The following SORCS1 variants were observed in gnomAD, a reference collection of about 807,000 sequenced individuals.
The protein encoded by SORCS1 is VPS10 domain-containing receptor SorCS1.
SORCS1 carries 60 observed loss-of-function variants against 146.1 expected under a neutral mutation model. The observed-to-expected ratio is 0.41, with a 90% CI of 0.33 to 0.51. The LOEUF is 0.51. SORCS1 is among the 20% of genes least tolerant of loss of function. SORCS1 has a pLI of 0.21. For synonymous variants in SORCS1, 637 were observed against 584.0 expected, an observed-to-expected ratio of 1.09 and a Z score of -1.31; for missense variants, 1,352 against 1,487.6, an observed-to-expected ratio of 0.91 and a Z score of 1.50.
intron 1 of SORCS1, among the ~76,000 whole-genome samples, chr10:107,081,003 A>G (rs1963289229): frequency 6.6e-6 from 1 of 152,232 alleles, no homozygotes; most frequent in Non-Finnish European, 1.5e-5. Context: ...CATAAAAAAA[A>G]GATATCATTG....
intron 1 of SORCS1, among the ~76,000 whole-genome samples, chr10:107,003,389 G>A (rs1246325803): frequency 6.6e-6 from 1 of 151,928 alleles, no homozygotes; most frequent in African/African-American, 2.4e-5. Flanking sequence ...GCCAAAGTAT[G>A]CATGTGTTGT....
intron 2 of SORCS1, among the ~76,000 whole-genome samples, chr10:106,843,636 C>T (rs1022816032): frequency 1.3e-5 from 2 of 151,966 alleles, no homozygotes; most frequent in Admixed American, 6.6e-5. Context: ...GGGATTTCAC[C>T]GTGTTAGCCA....
At chr10:107,092,490 G>A (rs1412768414) in intron 1 of SORCS1, among the ~76,000 whole-genome samples, 1 of 152,306 alleles carries the variant, frequency 6.6e-6, no homozygotes, top group East Asian at 1.9e-4. Flanking sequence ...AGCTAGTGCT[G>A]CTCTACTCTC....
chr10:106,686,738 C>T (rs1564857567), intron 10 of SORCS1, among the ~76,000 whole-genome samples: 2 of 152,114 alleles, frequency 1.3e-5, no homozygotes, highest in Admixed American at 6.6e-5. Flanking sequence ...TTCCCTGATG[C>T]ACAGTGACAA....
intron 23 of SORCS1, chr10:106,600,567 T>A (rs1264334943): frequency 2.0e-6 from 2 of 985,298 alleles, no homozygotes; most frequent in African/African-American, 3.5e-5. Flanking sequence ...TATCCTGTAT[T>A]TTTTCAAAAG....
chr10:106,620,497 C>T lies in SORCS1; in HGVS notation c.2727G>A (p.Ala909=), dbSNP rs747274447. The T allele has an allele frequency of 2.5e-5, 41 of 1,614,018 alleles. No homozygotes were observed. Among genetic ancestry groups the T allele is most frequent in the East Asian group, 6.7e-5 (3 of 44,886 alleles). The change falls in exon 20 of 26, where the codon GCG becomes GCA. Residue 909 remains alanine, a synonymous_variant. Transcript: ENST00000263054. The stretch of plus-strand genomic sequence containing the variant: ...CTTGGCTGGGCCACAGCACTGCCGT[C>T]GCATTGACCTCTTTGTTCTTTGTGG... The part of the protein sequence containing the change: ...FVTTKNKEVN[A]TAVLWPSQVG...
intron 1 of SORCS1, among the ~76,000 whole-genome samples, chr10:107,069,006 A>G (rs763124476): frequency 2.0e-5 from 3 of 152,208 alleles, no homozygotes; most frequent in Non-Finnish European, 4.4e-5. Flanking sequence ...TAGATTCCCA[A>G]TGGTGCCTAA....
upstream of SORCS1, among the ~76,000 whole-genome samples, chr10:107,164,924 C>A (rs999147933): frequency 1.3e-5 from 2 of 149,000 alleles, no homozygotes; most frequent in African/African-American, 4.9e-5. This position sits in a 1 kb window ranked among gnomAD's most constrained non-coding sequence, Gnocchi z 6.8. Context: ...GCCTCGCAGG[C>A]GCTGCCGCCG....
intron 1 of SORCS1, among the ~76,000 whole-genome samples, chr10:107,004,298 T>C (rs1395445448): frequency 6.6e-6 from 1 of 152,050 alleles, no homozygotes; most frequent in Non-Finnish European, 1.5e-5. Flanking sequence ...CCTTCTTTGG[T>C]AATTCCTGTA....
intron 21 of SORCS1, among the ~76,000 whole-genome samples, chr10:106,614,347 C>T (rs1373111656): frequency 6.6e-6 from 1 of 152,200 alleles, no homozygotes; most frequent in Admixed American, 6.5e-5. Context: ...CAAAAGTTCA[C>T]TTGTACATTT....
At chr10:107,068,862 T>A (rs1386081928) in intron 1 of SORCS1, among the ~76,000 whole-genome samples, 7 of 111,342 alleles carry the variant, frequency 6.3e-5, no homozygotes, top group Non-Finnish European at 1.0e-4. Flanking sequence ...AGAGCGAGAC[T>A]CCGTCTCAAA....
chr10:106,966,748 C>G (rs944876975), intron 1 of SORCS1, among the ~76,000 whole-genome samples: 4 of 152,172 alleles, frequency 2.6e-5, no homozygotes, highest in African/African-American at 9.7e-5. Context: ...TCATTTGTAG[C>G]TAAGACATAA....
intron 1 of SORCS1, among the ~76,000 whole-genome samples, chr10:107,110,281 A>G (rs776639605): frequency 2.0e-5 from 3 of 152,182 alleles, no homozygotes; most frequent in African/African-American, 4.8e-5. Flanking sequence ...CCGATTTTCT[A>G]TATTAGGCCA....
At chr10:107,143,354 G>A (rs1161307856) in intron 1 of SORCS1, among the ~76,000 whole-genome samples, 3 of 151,992 alleles carry the variant, frequency 2.0e-5, no homozygotes, top group Non-Finnish European at 2.9e-5. Context: ...TTGAGTCAGG[G>A]TCTGGCTCTA....
At chr10:106,875,656 G>A (rs1157336762) in intron 2 of SORCS1, among the ~76,000 whole-genome samples, 2 of 152,070 alleles carry the variant, frequency 1.3e-5, no homozygotes, top group Non-Finnish European at 2.9e-5. Flanking sequence ...AATGGCCATT[G>A]TTGCAGGAGT....
At chr10:106,717,138 C>A (rs1048556618) in intron 6 of SORCS1, among the ~76,000 whole-genome samples, 5 of 152,176 alleles carry the variant, frequency 3.3e-5, no homozygotes, top group African/African-American at 9.7e-5. Context: ...ATTGTTTCCA[C>A]TTGGAAACAA....
chr10:107,058,127 C>T (rs1391411847), intron 1 of SORCS1, among the ~76,000 whole-genome samples: 1 of 152,154 alleles, frequency 6.6e-6, no homozygotes, highest in Non-Finnish European at 1.5e-5. Context: ...CTGCAAACTC[C>T]ACCTCCCGGG....
At chr10:106,797,022 G>C (rs555171895) in intron 3 of SORCS1, among the ~76,000 whole-genome samples, 1 of 152,242 alleles carries the variant, frequency 6.6e-6, no homozygotes, top group African/African-American at 2.4e-5. Context: ...CAGGAGACTC[G>C]CTTGAACCTG....
chr10:107,114,763 T>C (rs1321314063), intron 1 of SORCS1, among the ~76,000 whole-genome samples: 1 of 152,056 alleles, frequency 6.6e-6, no homozygotes, highest in African/African-American at 2.4e-5. Flanking sequence ...AGAAACATTG[T>C]GTGATAATAA....
Sources: gnomAD v4.1 joint callset for allele counts (sites outside exome capture counted in the v4.1 genomes callset) on GRCh38, gnomAD v4.1.1 for gene constraint, Gnocchi (gnomAD v3.1) non-coding constraint, MANE v1.5 for transcripts, NCBI Gene and HGNC (gene_info 2026-07-23, HGNC 2026-07-21) for gene names.